ECSCR: variants seen among roughly 807,000 people sequenced by gnomAD.
The protein encoded by ECSCR is endothelial cell surface expressed chemotaxis and apoptosis regulator, also known as endothelial cell-specific chemotaxis regulator.
Under a neutral mutation model 16.7 loss-of-function variants are expected in ECSCR, and 12 were observed. That is an observed-to-expected ratio of 0.72 (90% CI 0.46 to 1.17). The LOEUF (loss-of-function observed/expected upper bound fraction) is 1.17, where lower values mean the gene tolerates loss of function less well. Among genes scored for constraint, ECSCR ranks in the 50% most tolerant of loss-of-function variants. The pLI is 0.00. For missense variants in ECSCR, 122 were observed against 116.1 expected (o/e 1.05, Z -0.23); for synonymous variants, 44 against 42.2 (o/e 1.04, Z -0.17).
At chr5:139,457,224 C>G (rs1215735250) in intron 4 of ECSCR, among the ~76,000 whole-genome samples, 1 of 152,266 alleles carries the variant, frequency 6.6e-6, no homozygotes, top group East Asian at 1.9e-4. Flanking sequence ...ACTCTCCACC[C>G]CACCTGGAAT....
intron 8 of ECSCR, among the ~76,000 whole-genome samples, chr5:139,450,738 T>G (rs1751022258): frequency 6.6e-6 from 1 of 150,648 alleles, no homozygotes; most frequent in South Asian, 2.1e-4. Flanking sequence ...ATTGTACCAC[T>G]GCACTCCAGC....
Position 139,457,803 on chromosome 5 carries a change from G to C in ECSCR, c.111C>G (p.Gly37=), listed in dbSNP as rs753569039. Residue 37 remains glycine (G), a synonymous_variant, in exon 3 of 10, where the codon GGC becomes GGG. Transcript: ENST00000618155. The part of the protein sequence containing the change: ...TMTQTSSSQG[G]LGGLSLTTEP... ...CTGTGGTCAGACTTAGACCGCCAAG[G>C]CCTCCTGAAACAGAACATCTGAGGC... 102 of 1,608,280 alleles carry C rather than the reference G, an allele frequency of 6.3e-5. No individual in the cohort carries two copies. The highest frequency in any genetic ancestry group is 7.3e-5 in the Non-Finnish European group (86 of 1,177,338).
At chr5:139,460,415 G>A (rs1419572111) in intron 1 of ECSCR, among the ~76,000 whole-genome samples, 1 of 152,174 alleles carries the variant, frequency 6.6e-6, no homozygotes, top group African/African-American at 2.4e-5. Flanking sequence ...GATCACAGGC[G>A]TGAGCCACCG....
At chr5:139,454,204 G>A (rs1196031886) in intron 8 of ECSCR, among the ~76,000 whole-genome samples, 1 of 147,078 alleles carries the variant, frequency 6.8e-6, no homozygotes, top group African/African-American at 2.5e-5. Context: ...GGTGTGTGGT[G>A]TATTTGAGGT....
chr5:139,450,551 G>A (rs186248855), intron 8 of ECSCR, among the ~76,000 whole-genome samples: 122 of 151,586 alleles, frequency 8.0e-4, no homozygotes, highest in African/African-American at 1.4e-3. Flanking sequence ...GCTGAGGTGG[G>A]TGGATCACAA....
chr5:139,459,566 G>T (rs1271716212), intron 1 of ECSCR, among the ~76,000 whole-genome samples: 2 of 152,218 alleles, frequency 1.3e-5, no homozygotes, highest in African/African-American at 4.8e-5. Context: ...TGTGGAACCT[G>T]AAAGGTCAGG....
Position 139,458,196 on chromosome 5 carries a change from G to C in ECSCR, c.62-13C>G. The C allele has an allele frequency of 6.5e-7, 1 of 1,549,562 alleles. No individual in the cohort carries two copies. Among genetic ancestry groups the C allele is most frequent in the Non-Finnish European group, 8.7e-7 (1 of 1,146,888 alleles). ...TGGGAGTTGTGGCCTGCAAGAGAAA[G>C]CAAAACACATAGCTTGGTAAGTCCC... On this transcript the variant is annotated splice_polypyrimidine_tract_variant and intron_variant, in intron 1 of 9. Transcript: ENST00000618155.
intron 5 of ECSCR, among the ~76,000 whole-genome samples, 176 bp downstream of exon 5, chr5:139,456,298 C>A (rs1434146972): frequency 6.6e-6 from 1 of 152,136 alleles, no homozygotes; most frequent in Non-Finnish European, 1.5e-5. Flanking sequence ...TGTGTCTTCC[C>A]TTCTCAACCC....
chr5:139,458,109 G>A (rs1228022344), intron 2 of ECSCR, 30 bp downstream of exon 2: 19 of 1,545,870 alleles, frequency 1.2e-5, no homozygotes, highest in Non-Finnish European at 1.6e-5. Flanking sequence ...AGGCCTACAC[G>A]CTGGAGTAGA....
chr5:139,454,350 TGTGTGTGGTGTGTGGTGTGTGG>T (rs1751111080), intron 8 of ECSCR, among the ~76,000 whole-genome samples: 1 of 143,350 alleles, frequency 7.0e-6, no homozygotes, highest in Admixed American at 6.9e-5. Context: ...ATGTATGTAA[TGTGTGTGGTGTGTGGTGTGTGG>T]GTGTGTGTAG....
At chr5:139,453,940 A>G (rs1408186539) in intron 8 of ECSCR, among the ~76,000 whole-genome samples, 4 of 99,348 alleles carry the variant, frequency 4.0e-5, no homozygotes, top group Non-Finnish European at 4.1e-5. Flanking sequence ...TGGGGTGTGT[A>G]TGAGATGTGT....
At chr5:139,456,327 T>C (rs1247800845) in intron 5 of ECSCR, 147 bp downstream of exon 5, 5 of 383,952 alleles carry the variant, frequency 1.3e-5, no homozygotes, top group African/African-American at 8.3e-5. Flanking sequence ...TCAGGCCCAA[T>C]TGCTGTTCCA....
chr5:139,454,546 T>A (rs1751115726), intron 8 of ECSCR, 56 bp downstream of exon 8: 3 of 397,980 alleles, frequency 7.5e-6, no homozygotes, highest in African/African-American at 2.1e-5. Flanking sequence ...AAGTGTTGGT[T>A]CCCTCTGGGA....
At chr5:139,450,506 G>T (rs1479588270) in intron 8 of ECSCR, among the ~76,000 whole-genome samples, 1 of 145,866 alleles carries the variant, frequency 6.9e-6, no homozygotes, top group African/African-American at 2.5e-5. Flanking sequence ...GGCTGGGCAT[G>T]GTGGCTCATG....
rs967485044 is a variant in ECSCR at position 139,457,790 on chromosome 5, T to C, written c.124A>G (p.Ser42Gly). Residue 42 changes from serine to glycine, a missense_variant, in exon 3 of 10, where the codon AGT becomes GGT. Ser to Gly is a moderately conservative substitution (Grantham distance 56, BLOSUM62 0). Transcript: ENST00000618155. Reference sequence around the variant, plus strand: ...GAAGAAACTGGCTCTGTGGTCAGACTTAGACCGCCAAGGCCTCCTGAAACA... The same window carrying C: ...GAAGAAACTGGCTCTGTGGTCAGACCTAGACCGCCAAGGCCTCCTGAAACA... Reference protein sequence around the residue: ...SSSQGGLGGLSLTTEPVSSNP... With the variant: ...SSSQGGLGGLGLTTEPVSSNP... The C allele has an allele frequency of 1.9e-6, 3 of 1,610,934 alleles. No individual in the cohort carries two copies. In the South Asian group the frequency reaches 3.3e-5, roughly 18 times the overall value.
Position 139,449,895 on chromosome 5 carries a change from AT to A in ECSCR, c.513-722del, listed in dbSNP as rs1242477981. Among the ~76,000 whole-genome samples, 648 of 136,652 alleles carry A rather than the reference AT, an allele frequency of 4.7e-3. 7 individuals are homozygous for A. The highest frequency in any genetic ancestry group is 0.032 in the East Asian group (151 of 4,712). 89.6% of individuals were successfully genotyped at this position (136,652 alleles called of 152,430 possible). On this transcript the variant is annotated intron_variant, in intron 8 of 9. Transcript: ENST00000618155. ...AGCCATCGCATCCGCTAAAGCCTCA[AT>A]TTTTTTTTTTTCCCCTTGAAACGGA...
intron 8 of ECSCR, among the ~76,000 whole-genome samples, chr5:139,450,118 C>T (rs1209534854): frequency 6.6e-6 from 1 of 151,998 alleles, no homozygotes; most frequent in Non-Finnish European, 1.5e-5. Flanking sequence ...TGGTCTTGAA[C>T]TCCTGACCTC....
chr5:139,458,614 A>G (rs1451030893), intron 1 of ECSCR, among the ~76,000 whole-genome samples: 1 of 150,722 alleles, frequency 6.6e-6, no homozygotes, highest in African/African-American at 2.4e-5. Flanking sequence ...AGGGAGGCTG[A>G]GGTGGGTAGA....
At chr5:139,455,889 C>T (rs969813675) in intron 5 of ECSCR, among the ~76,000 whole-genome samples, 22 of 150,296 alleles carry the variant, frequency 1.5e-4, no homozygotes, top group African/African-American at 3.2e-4. Flanking sequence ...TTTGGGAGGC[C>T]GAGGCGGGCA....
Sources: gnomAD v4.1 joint callset for allele counts (sites outside exome capture counted in the v4.1 genomes callset) on GRCh38, gnomAD v4.1.1 for gene constraint, MANE v1.5 for transcripts, NCBI Gene and HGNC (gene_info 2026-07-23, HGNC 2026-07-21) for gene names.